The following PRRT1 variants were observed in gnomAD, a reference collection of about 807,000 sequenced individuals.
PRRT1 encodes proline-rich transmembrane protein 1.
PRRT1 carries 8 observed loss-of-function variants against 22.6 expected under a neutral mutation model. The observed-to-expected ratio is 0.35, with a 90% CI of 0.21 to 0.64. The LOEUF (loss-of-function observed/expected upper bound fraction) is 0.64. Ranked by LOEUF, PRRT1 falls within the 30% of genes least tolerant of loss-of-function variation. The pLI, the probability that PRRT1 is intolerant of heterozygous loss-of-function variation, is 0.69. For missense variants in PRRT1, 315 were observed against 444.5 expected, an observed-to-expected ratio of 0.71 and a Z score of 2.62; for synonymous variants, 176 against 203.6, an observed-to-expected ratio of 0.86 and a Z score of 1.15.
At chr6:32,151,686 G>A (rs1357967411) in intron 1 of PRRT1, 123 bp downstream of exon 1, 1 of 653,470 alleles carries the variant, frequency 1.5e-6, no homozygotes, top group East Asian at 2.7e-5. Context: ...AGTGTTGAGA[G>A]CTGGAGAGAA....
upstream of PRRT1, chr6:32,152,000 G>GGGGGGGGGGGGGTGT: frequency 2.9e-6 from 1 of 350,442 alleles, no homozygotes; most frequent in Non-Finnish European, 5.7e-6. Context: ...GGGAGGGGGG[G>GGGGGGGGGGGGGTGT]AGCTTAAAGG....
chr6:32,152,000 G>GGGGGGTA, upstream of PRRT1: 1 of 350,442 alleles, frequency 2.9e-6, no homozygotes, highest in East Asian at 1.1e-4. Context: ...GGGAGGGGGG[G>GGGGGGTA]AGCTTAAAGG....
chr6:32,148,737 C>G lies in PRRT1; in HGVS notation c.*485G>C, dbSNP rs1783095434. On this transcript the variant is annotated 3_prime_UTR_variant, in exon 4 of 4. Coordinates refer to ENST00000211413, the MANE Select transcript of PRRT1 (RefSeq NM_030651.4). This position sits in a 1 kb window ranked among gnomAD's most constrained non-coding sequence, Gnocchi z 5.7. ...ACTACCCCAGGGCTCGGTCCTTTTG[C>G]CGGAAGAAAGGGAGGGGTCTGTCCG... 1 of 458,850 alleles carries G rather than the reference C, an allele frequency of 2.2e-6. No homozygotes were observed. The highest frequency in any genetic ancestry group is 4.4e-6 in the Non-Finnish European group (1 of 228,374). 28.4% of individuals were successfully genotyped at this position (458,850 alleles called of 1,614,324 possible).
chr6:32,149,302 C>T lies in PRRT1; in HGVS notation c.841G>A (p.Ala281Thr). ...FSFISLAVGI[A>T]AMVLCTILTV... ...AGGATGGTACAGAGCACCATGGCCG[C>T]GATGCCCACGGCCAGGGAGATGAAG... Residue 281 changes from alanine (A) to threonine (T), a missense_variant, in exon 4 of 4, where the codon GCG becomes ACG. By Grantham distance (58) the Ala-to-Thr change is moderately conservative. This residue lies in a region of PRRT1 where 24 missense variants were observed against 38.2 expected (regional missense o/e 0.63). Transcript: ENST00000211413. The surrounding 1 kb of genome is among the most constrained non-coding windows in gnomAD (Gnocchi z 8.7). 1 of 1,610,736 alleles carries T rather than the reference C, an allele frequency of 6.2e-7. No homozygotes were observed. The highest frequency in any genetic ancestry group is 8.5e-7 in the Non-Finnish European group (1 of 1,179,134).
chr6:32,151,996 G>GGGGGGGGGT, upstream of PRRT1: 1 of 382,498 alleles, frequency 2.6e-6, no homozygotes, highest in Non-Finnish European at 5.2e-6. Context: ...AGCGGGGAGG[G>GGGGGGGGGT]GGGGAGCTTA....
Position 32,150,857 on chromosome 6 carries a change from A to G in PRRT1, c.69T>C (p.Pro23=). The change falls in exon 2 of 4, where the codon CCT becomes CCC. Residue 23 remains proline, a synonymous_variant. Transcript: ENST00000211413. This position sits in a 1 kb window ranked among gnomAD's most constrained non-coding sequence, Gnocchi z 7.2. Reference sequence around the variant, plus strand: ...GGGCTGGGGGTTCGGCTGGAGGCTGAGGGGCATTGTAGGGCGGCGGAGAAG... The same window carrying G: ...GGGCTGGGGGTTCGGCTGGAGGCTGGGGGGCATTGTAGGGCGGCGGAGAAG... ...PHTSPPPYNA[P]QPPAEPPAPP... is the part of the protein sequence containing the mutation. The G allele has an allele frequency of 6.3e-7, 1 of 1,582,270 alleles. No individual in the cohort carries two copies. The highest frequency in any genetic ancestry group is 1.9e-5 in the Admixed American group (1 of 53,674).
upstream of PRRT1, chr6:32,151,971 G>GGGGGGGGGGGGGGGA: frequency 6.9e-6 from 2 of 288,276 alleles, no homozygotes; most frequent in South Asian, 2.3e-5. Context: ...GGGCGGGGGG[G>GGGGGGGGGGGGGGGA]GCGGGCGGAG....
rs1783130539 is a variant in PRRT1, at chr6:32,149,311, C to A, written c.832G>T (p.Val278Leu). The A allele has an allele frequency of 1.2e-6, 2 of 1,610,354 alleles. No individual in the cohort carries two copies. Among genetic ancestry groups the A allele is most frequent in the Non-Finnish European group, 1.7e-6 (2 of 1,178,928 alleles). Residue 278 changes from valine to leucine, a missense_variant, in exon 4 of 4, where the codon GTG (valine) becomes TTG (leucine). This residue lies in a region of PRRT1 where 3 missense variants were observed against 30.0 expected (regional missense o/e 0.10). Transcript: ENST00000211413. The surrounding 1 kb of genome is among the most constrained non-coding windows in gnomAD (Gnocchi z 8.7). Reference protein sequence around the residue: ...ARNFSFISLAVGIAAMVLCTI... With the variant: ...ARNFSFISLALGIAAMVLCTI... ...CAGAGCACCATGGCCGCGATGCCCA[C>A]GGCCAGGGAGATGAAGGAGAAGTTC... is the stretch of plus-strand genomic sequence containing the variant.
chr6:32,151,847 C>T lies in PRRT1; in HGVS notation c.-20G>A, dbSNP rs1783308729. 6.2e-7 allele frequency: 1 copy of T among 1,609,700 alleles called. No homozygotes were observed. Among genetic ancestry groups the T allele is most frequent in the Non-Finnish European group, 8.5e-7 (1 of 1,178,910 alleles). On this transcript the variant is annotated 5_prime_UTR_variant, in exon 1 of 4. Coordinates refer to ENST00000211413, the MANE Select transcript of PRRT1 (RefSeq NM_030651.4). Reference sequence around the variant, plus strand: ...TGACATGCCTGCGGTCTCGCTGGGACAGGGTCCCTGCAGCCGGAGTGGGGG... The same window carrying T: ...TGACATGCCTGCGGTCTCGCTGGGATAGGGTCCCTGCAGCCGGAGTGGGGG...
intron 1 of PRRT1, 118 bp from the exon 2 acceptor site, chr6:32,151,024 T>G: frequency 1.2e-6 from 1 of 862,380 alleles, no homozygotes; most frequent in East Asian, 2.6e-5. Context: ...GAGAGACACA[T>G]AGAGAGAGAC....
Position 32,149,082 on chromosome 6 carries a change from G to T in PRRT1, c.*140C>A. ...GCTTGCTCGCAAGGCGAGACGTTCC[G>T]TGGAGGCGGAGTTTACGATGTATCC... On this transcript the variant is annotated 3_prime_UTR_variant, in exon 4 of 4. Coordinates refer to ENST00000211413, the MANE Select transcript of PRRT1 (RefSeq NM_030651.4). The surrounding 1 kb of genome is among the most constrained non-coding windows in gnomAD (Gnocchi z 8.7). 1 of 935,192 alleles carries T rather than the reference G, an allele frequency of 1.1e-6. No individual in the cohort carries two copies. Among genetic ancestry groups the T allele is most frequent in the Non-Finnish European group, 1.7e-6 (1 of 586,474 alleles). 57.9% of individuals were successfully genotyped at this position (935,192 alleles called of 1,614,324 possible).
Position 32,149,242 on chromosome 6 carries a change from C to T in PRRT1, c.901G>A (p.Glu301Lys), listed in dbSNP as rs1783125914. 1.2e-6 allele frequency: 2 copies of T among 1,611,720 alleles called. No homozygotes were observed. Among genetic ancestry groups the T allele is most frequent in the Non-Finnish European group, 1.7e-6 (2 of 1,179,798 alleles). The change falls in exon 4 of 4, where the codon GAG (glutamate) becomes AAG (lysine). Residue 301 changes from glutamate to lysine, a missense_variant. By Grantham distance (56) the Glu-to-Lys change is moderately conservative. Around this residue, in one of 4 missense-constraint regions of PRRT1, gnomAD observed 24 missense variants for 38.2 expected, o/e 0.63. Coordinates refer to ENST00000211413, the MANE Select transcript of PRRT1 (RefSeq NM_030651.4). The surrounding 1 kb of genome is among the most constrained non-coding windows in gnomAD (Gnocchi z 8.7). ...VVIIIAAQHHENYWDP is the reference protein window; with the variant it reads ...VVIIIAAQHHKNYWDP ...CGTTTTTAGGGATCCCAGTAGTTCT[C>T]GTGGTGCTGCGCGGCGATGATGATG...
chr6:32,148,861 T>G lies in PRRT1; in HGVS notation c.*361A>C. ...AGCCTGCCGACCTGGAGGCGGGGTT[T>G]TGTCAGAGCTGGGGCGGTGCTTATA... On this transcript the variant is annotated 3_prime_UTR_variant, in exon 4 of 4. Coordinates refer to ENST00000211413, the MANE Select transcript of PRRT1 (RefSeq NM_030651.4). The surrounding 1 kb of genome is among the most constrained non-coding windows in gnomAD (Gnocchi z 5.7). The G allele has an allele frequency of 1.8e-6, 1 of 558,356 alleles. No homozygotes were observed. The highest frequency in any genetic ancestry group is 3.4e-6 in the Non-Finnish European group (1 of 293,136). 34.6% of individuals were successfully genotyped at this position (558,356 alleles called of 1,614,324 possible).
chr6:32,150,629 G>A lies in PRRT1; in HGVS notation c.297C>T (p.Pro99=). The A allele has an allele frequency of 1.4e-6, 2 of 1,416,930 alleles. No individual in the cohort carries two copies. Among genetic ancestry groups the A allele is most frequent in the Non-Finnish European group, 9.2e-7 (1 of 1,090,652 alleles). 87.8% of individuals were successfully genotyped at this position (1,416,930 alleles called of 1,614,324 possible). A position where few individuals can be genotyped will look rare whatever the true frequency, so the allele number is the denominator to read the frequency against. The change falls in exon 2 of 4, where the codon CCC becomes CCT. Residue 99 remains proline (P), a synonymous_variant. Transcript: ENST00000211413. This position sits in a 1 kb window ranked among gnomAD's most constrained non-coding sequence, Gnocchi z 7.2. ...PPGPAAGAPP[P]GCATLPRMPP... ...GCATGCGGGGCAAGGTAGCGCAGCC[G>A]GGTGGGGGTGCCCCGGCAGCAGGGC...
rs550006238 is a variant in PRRT1, at chr6:32,149,773, C to T, written c.559-51G>A. On this transcript the variant is annotated intron_variant, in intron 2 of 3. Transcript: ENST00000211413. This position sits in a 1 kb window ranked among gnomAD's most constrained non-coding sequence, Gnocchi z 8.7. Reference sequence around the variant, plus strand: ...GGGCATCACTCTGACCCTCTCCCAGCCTACCAGCGTTGGGCGGCTGGCAGA... The same window carrying T: ...GGGCATCACTCTGACCCTCTCCCAGTCTACCAGCGTTGGGCGGCTGGCAGA... 9.5e-6 allele frequency: 12 copies of T among 1,260,326 alleles called. No homozygotes were observed. The Admixed American group carries it at 2.1e-4, about 22-fold the overall frequency. The allele number at this position is 1,260,326 out of a possible 1,614,324, so 78.1% of individuals were successfully genotyped here.
At chr6:32,151,968 G>A, upstream of PRRT1, 14 of 291,792 alleles carry the variant, frequency 4.8e-5, no homozygotes, top group South Asian at 3.0e-4. Context: ...GGGGGGCGGG[G>A]GGGGCGGGCG....
rs1373960550 is a variant in PRRT1 at position 32,150,431 on chromosome 6, C to A, written c.495G>T (p.Ala165=). The change falls in exon 2 of 4, where the codon GCG becomes GCT. Residue 165 remains alanine (A), a synonymous_variant. Transcript: ENST00000211413. The surrounding 1 kb of genome is among the most constrained non-coding windows in gnomAD (Gnocchi z 7.2). ...VGTLPLGGYV[A]PGYPLQLQPC... ...GCTGCAGCTGCAGGGGGTATCCGGG[C>A]GCTACGTAGCCCCCCAGCGGCAGCG... 6.5e-7 allele frequency: 1 copy of A among 1,529,714 alleles called. No individual in the cohort carries two copies. The highest frequency in any genetic ancestry group is 2.3e-5 in the Admixed American group (1 of 42,682). 94.8% of individuals were successfully genotyped at this position (1,529,714 alleles called of 1,614,324 possible). A position where few individuals can be genotyped will look rare whatever the true frequency, so the allele number is the denominator to read the frequency against.
At chr6:32,152,183 A>G (rs548568008), upstream of PRRT1, 213 of 630,472 alleles carry the variant, frequency 3.4e-4, 1 homozygote, top group East Asian at 7.5e-3. Context: ...GGACTAAGGA[A>G]AGGAAGGAAG....
rs1783186256 is a variant in PRRT1 at position 32,150,291 on chromosome 6, GC to G, written c.558+76del. The G allele has an allele frequency of 2.7e-6, 4 of 1,491,524 alleles. No individual in the cohort carries two copies. Among genetic ancestry groups the G allele is most frequent in the African/African-American group, 1.5e-5 (1 of 67,694 alleles). The allele number at this position is 1,491,524 out of a possible 1,614,324, so 92.4% of individuals were successfully genotyped here. Reference sequence around the variant, plus strand: ...CTGCCCTTGTTCCTCTATCCTACCAGCCCCCAGCGTATCCCCAATTTCAAGT... The same window carrying G: ...CTGCCCTTGTTCCTCTATCCTACCAGCCCCAGCGTATCCCCAATTTCAAGT... On this transcript the variant is annotated intron_variant, in intron 2 of 3. Transcript: ENST00000211413. This position sits in a 1 kb window ranked among gnomAD's most constrained non-coding sequence, Gnocchi z 7.2.
Sources: allele counts gnomAD v4.1 joint callset, GRCh38; gene constraint gnomAD v4.1.1; regional missense constraint gnomAD v4.1.1; non-coding constraint Gnocchi (gnomAD v3.1); transcripts MANE v1.5; gene names NCBI Gene and HGNC (gene_info 2026-07-23, HGNC 2026-07-21).